Variants in SPAG16 observed in about 807,000 individuals in gnomAD.
SPAG16 encodes the protein sperm associated antigen 16.
In SPAG16, 86 loss-of-function variants were observed where a neutral mutation model predicts 80.4. That is an observed-to-expected ratio of 1.07 (90% confidence interval 0.90 to 1.28). SPAG16 has a LOEUF of 1.28. Ranked by LOEUF, SPAG16 falls within the 50% of genes most tolerant of loss-of-function variation. SPAG16 has a pLI of 0.00. For missense variants in SPAG16, 870 were observed against 765.3 expected, an observed-to-expected ratio of 1.14 and a Z score of -1.61; for synonymous variants, 294 against 265.9, an observed-to-expected ratio of 1.11 and a Z score of -1.03.
At chr2:214,217,563 C>T (rs2058463630) in intron 15 of SPAG16, among the ~76,000 whole-genome samples, 1 of 152,220 alleles carries the variant, frequency 6.6e-6, no homozygotes, top group Non-Finnish European at 1.5e-5. Flanking sequence ...TATCCCACCA[C>T]TCTTAAGAGT....
intron 10 of SPAG16, among the ~76,000 whole-genome samples, chr2:213,502,467 T>C (rs1440719231): frequency 6.6e-6 from 1 of 152,112 alleles, no homozygotes; most frequent in African/African-American, 2.4e-5. Context: ...TAAATAAAAA[T>C]ATTTTATTTT....
chr2:213,700,783 A>G (rs1168379866), intron 10 of SPAG16, among the ~76,000 whole-genome samples: 1 of 152,178 alleles, frequency 6.6e-6, no homozygotes, highest in Non-Finnish European at 1.5e-5. Flanking sequence ...CAGATTTTTA[A>G]AAATTCTCTA....
At chr2:213,557,679 C>G (rs2059471040) in intron 10 of SPAG16, among the ~76,000 whole-genome samples, 1 of 152,044 alleles carries the variant, frequency 6.6e-6, no homozygotes, top group South Asian at 2.1e-4. Context: ...TCTAGAATTC[C>G]TGGGCTCAAG....
rs975028640 is a variant in SPAG16 at position 213,369,140 on chromosome 2, T to G, written c.832+4995T>G. ...ATAAAAATATCCTTTAAAATTTAGA[T>G]AAAATGTAGACATTTTAAGATGCAG... is the stretch of plus-strand genomic sequence containing the variant. On this transcript the variant is annotated intron_variant, in intron 8 of 15. Coordinates refer to ENST00000331683, the MANE Select transcript of SPAG16 (RefSeq NM_024532.5). Among the ~76,000 whole-genome samples, 3 of 152,326 alleles carry G rather than the reference T, an allele frequency of 2.0e-5. No homozygotes were observed. The East Asian group carries it at 5.8e-4, about 29-fold the overall frequency.
At chr2:213,572,288 C>T (rs1228173488) in intron 10 of SPAG16, among the ~76,000 whole-genome samples, 17 of 81,800 alleles carry the variant, frequency 2.1e-4, no homozygotes, top group Non-Finnish European at 2.6e-4. Context: ...TGAGGAACTG[C>T]GTTCCTTTGG....
At chr2:213,482,629 G>A (rs2073804176) in intron 9 of SPAG16, among the ~76,000 whole-genome samples, 1 of 151,760 alleles carries the variant, frequency 6.6e-6, no homozygotes, top group African/African-American at 2.4e-5. Flanking sequence ...GTATAATTAT[G>A]TTCTTCTTAG....
Position 214,049,738 on chromosome 2 carries a change from C to T in SPAG16, c.1527+35661C>T, listed in dbSNP as rs146371853. ...GTAAGTTTATTGTGAGAAAGTTGGA[C>T]GCAGCCCTGGGGACTCCTGTGAGCA... On this transcript the variant is annotated intron_variant, in intron 13 of 15. Transcript: ENST00000331683. Among the ~76,000 whole-genome samples, 74 of 152,272 alleles carry T rather than the reference C, an allele frequency of 4.9e-4. 1 individual carries two copies. In the East Asian group the frequency reaches 9.7e-3, roughly 20 times the overall value.
At chr2:213,330,918 T>A (rs1448650846) in intron 5 of SPAG16, among the ~76,000 whole-genome samples, 1 of 152,188 alleles carries the variant, frequency 6.6e-6, no homozygotes, top group Non-Finnish European at 1.5e-5. Context: ...AAGCTCACTT[T>A]TTTTTGCCTG....
chr2:214,110,382 C>T (rs1028069502), intron 14 of SPAG16, among the ~76,000 whole-genome samples: 28 of 151,554 alleles, frequency 1.8e-4, no homozygotes, highest in Admixed American at 1.4e-3. Flanking sequence ...TGAGAACATG[C>T]GGTGTTTGGT....
chr2:213,425,492 A>T (rs1402730887), intron 9 of SPAG16, among the ~76,000 whole-genome samples: 1 of 152,058 alleles, frequency 6.6e-6, no homozygotes, highest in East Asian at 1.9e-4. Context: ...TCTACTAAAA[A>T]TACAAAAAAA....
intron 10 of SPAG16, among the ~76,000 whole-genome samples, chr2:213,590,967 C>T (rs2060668958): frequency 6.6e-6 from 1 of 152,056 alleles, no homozygotes; most frequent in African/African-American, 2.4e-5. Context: ...TATTACACAG[C>T]CATAAAAGAG....
chr2:214,379,163 T>C (rs1432243802), intron 15 of SPAG16, among the ~76,000 whole-genome samples: 1 of 152,234 alleles, frequency 6.6e-6, no homozygotes, highest in Non-Finnish European at 1.5e-5. Context: ...TTTACTGCAT[T>C]CTTCTGTGAT....
chr2:214,250,757 T>TATATAGAGAGAGAGAG (rs1475343777), intron 15 of SPAG16, among the ~76,000 whole-genome samples: 5 of 91,280 alleles, frequency 5.5e-5, no homozygotes, highest in African/African-American at 2.0e-4. Context: ...TATATATATA[T>TATATAGAGAGAGAGAG]AGAGAGAGAG....
intron 10 of SPAG16, among the ~76,000 whole-genome samples, chr2:213,759,428 C>T (rs893529381): frequency 3.3e-5 from 5 of 151,690 alleles, no homozygotes; most frequent in Non-Finnish European, 7.4e-5. Context: ...ATTTAAAATA[C>T]TTACATGTTT....
chr2:213,321,999 A>G (rs2063628761), intron 5 of SPAG16, among the ~76,000 whole-genome samples: 1 of 152,040 alleles, frequency 6.6e-6, no homozygotes, highest in Non-Finnish European at 1.5e-5. Flanking sequence ...GGTGGTTGAC[A>G]CCAACATGGC....
At position 214,245,411 on chromosome 2, in the gene SPAG16, A is replaced by G. The variant is rs73989406; in HGVS notation, c.1720+96145A>G. ...TTGTAGGGCCTAAGTCCTGTATCTT[A>G]ATGATACATTTTTATAATTTGAAAA... On this transcript the variant is annotated intron_variant, in intron 15 of 15. Coordinates refer to ENST00000331683, the MANE Select transcript of SPAG16 (RefSeq NM_024532.5). Among the ~76,000 whole-genome samples the G allele has an allele frequency of 1.2e-3, 186 of 152,234 alleles. 1 individual carries two copies. The highest frequency in any genetic ancestry group is 4.2e-3 in the African/African-American group (175 of 41,562).
chr2:214,275,834 G>T (rs1479886948), intron 15 of SPAG16, among the ~76,000 whole-genome samples: 1 of 152,128 alleles, frequency 6.6e-6, no homozygotes. Context: ...CTGAGTTCAA[G>T]TCCTGGATAT....
intron 11 of SPAG16, among the ~76,000 whole-genome samples, chr2:213,912,479 A>T (rs902696981): frequency 9.9e-5 from 15 of 152,204 alleles, no homozygotes; most frequent in African/African-American, 3.4e-4. Flanking sequence ...TTATTTTTGT[A>T]AATTATATGG....
At chr2:213,709,414 A>G (rs1023813654) in intron 10 of SPAG16, among the ~76,000 whole-genome samples, 1 of 152,204 alleles carries the variant, frequency 6.6e-6, no homozygotes, top group Non-Finnish European at 1.5e-5. Flanking sequence ...CAAATATCTT[A>G]TGAAAGAAAA....
Sources: gnomAD v4.1 joint callset for allele counts (sites outside exome capture counted in the v4.1 genomes callset) on GRCh38, gnomAD v4.1.1 for gene constraint, MANE v1.5 for transcripts, NCBI Gene and HGNC (gene_info 2026-07-23, HGNC 2026-07-21) for gene names.